The following ACYP2 variants were observed in gnomAD, a reference collection of about 807,000 sequenced individuals.
The protein encoded by ACYP2 is acylphosphatase 2, also known as acylphosphatase-2.
Under a neutral mutation model 11.2 loss-of-function variants are expected in ACYP2, and 12 were observed. That is an observed-to-expected ratio of 1.08 (90% confidence interval 0.69 to 1.74). The LOEUF (loss-of-function observed/expected upper bound fraction) is 1.74. ACYP2 is among the 40% of genes most tolerant of loss of function. ACYP2 has a pLI of 0.00. For missense variants in ACYP2, 134 were observed against 101.9 expected (o/e 1.31, Z -1.35); for synonymous variants, 43 against 32.2 (o/e 1.33, Z -1.13).
chr2:54,115,148 TTG>T (rs1679676795), intron 4 of ACYP2, among the ~76,000 whole-genome samples: 1 of 152,182 alleles, frequency 6.6e-6, no homozygotes, highest in South Asian at 2.1e-4. Flanking sequence ...GATAAATGTA[TTG>T]TGTCCTTAAA....
At chr2:54,137,326 A>G (rs1219265632) in intron 5 of ACYP2, among the ~76,000 whole-genome samples, 1 of 152,164 alleles carries the variant, frequency 6.6e-6, no homozygotes, top group Non-Finnish European at 1.5e-5. Flanking sequence ...TAGGTTTGTT[A>G]TATAGGTAAA....
intron 4 of ACYP2, among the ~76,000 whole-genome samples, chr2:54,133,068 C>T (rs1018282593): frequency 6.6e-6 from 1 of 152,136 alleles, no homozygotes; most frequent in African/African-American, 2.4e-5. Context: ...CAAATGCATA[C>T]AGTCATGTAA....
intron 6 of ACYP2, among the ~76,000 whole-genome samples, chr2:54,234,715 C>G (rs1686396031): frequency 6.6e-6 from 1 of 152,198 alleles, no homozygotes; most frequent in Non-Finnish European, 1.5e-5. Context: ...TGCAGATGGT[C>G]TGCCCACTGT....
chr2:54,026,969 G>A (rs574541819), intron 2 of ACYP2, among the ~76,000 whole-genome samples: 2 of 152,282 alleles, frequency 1.3e-5, no homozygotes, highest in South Asian at 4.1e-4. Flanking sequence ...CACTGCTTAG[G>A]TGATGTGTGC....
chr2:54,269,890 C>A (rs843737), intron 6 of ACYP2, among the ~76,000 whole-genome samples: 2 of 151,944 alleles, frequency 1.3e-5, no homozygotes, highest in Non-Finnish European at 2.9e-5. Context: ...TTTCCAGTTT[C>A]CATAATAATA....
In ACYP2 at chr2:54,168,709, GAGAA is replaced by G. The variant is rs566054498; in HGVS notation, c.404+29965_404+29968del. Among the ~76,000 whole-genome samples, 413 of 152,274 alleles carry G rather than the reference GAGAA, an allele frequency of 2.7e-3. 1 individual carries two copies. Among genetic ancestry groups the G allele is most frequent in the Non-Finnish European group, 4.0e-3 (273 of 68,000 alleles). ...AAAGAAACCCAATGAATTTTAAAAA[GAGAA>G]AGAGCAGTGAAAATGAACATACAGT... On this transcript the variant is annotated intron_variant, in intron 6 of 6. Transcript: ENST00000607452.
chr2:54,253,217 T>C (rs940955032), intron 6 of ACYP2: 2 of 152,324 alleles, frequency 1.3e-5, no homozygotes, highest in Middle Eastern at 3.4e-3. Context: ...ATGAACACAA[T>C]AGTTTCCAGT....
intron 6 of ACYP2, chr2:54,166,913 T>TA (rs1250570846): frequency 6.6e-6 from 1 of 152,158 alleles, no homozygotes; most frequent in South Asian, 2.1e-4. Context: ...AAAGGACTCT[T>TA]AAAATTTATT....
At chr2:54,261,354 G>C (rs376183830) in intron 6 of ACYP2, among the ~76,000 whole-genome samples, 1 of 152,120 alleles carries the variant, frequency 6.6e-6, no homozygotes, top group South Asian at 2.1e-4. Flanking sequence ...GAAATGTTTT[G>C]TCAACTAGAG....
intron 6 of ACYP2, among the ~76,000 whole-genome samples, chr2:54,207,994 C>CA (rs1685154283): frequency 2.0e-5 from 3 of 152,162 alleles, no homozygotes; most frequent in Admixed American, 1.3e-4. Flanking sequence ...TGTTATAACA[C>CA]AGAGTGTTCC....
intron 6 of ACYP2, among the ~76,000 whole-genome samples, chr2:54,290,504 T>C (rs1421097690): frequency 1.3e-5 from 2 of 150,430 alleles, no homozygotes; most frequent in South Asian, 2.1e-4. Context: ...TTTGTAAGCG[T>C]ATGTAAAACA....
At chr2:54,174,703 A>G (rs913947940) in intron 6 of ACYP2, among the ~76,000 whole-genome samples, 10 of 152,310 alleles carry the variant, frequency 6.6e-5, no homozygotes, top group Admixed American at 3.3e-4. Flanking sequence ...TTTTCCATCA[A>G]TACCTAGTTT....
intron 2 of ACYP2, among the ~76,000 whole-genome samples, chr2:54,021,355 G>A (rs1250321323): frequency 2.0e-5 from 3 of 152,170 alleles, no homozygotes; most frequent in Non-Finnish European, 2.9e-5. Flanking sequence ...GAACGAGGAA[G>A]TTAAACTTTA....
rs553572413 is a variant in ACYP2 at position 54,046,204 on chromosome 2, A to G, written c.63-4754A>G. On this transcript the variant is annotated intron_variant, in intron 2 of 6. Transcript: ENST00000607452. ...AAAAAAAAAAAAAAGGTCCAGGCGC[A>G]GTGGCTTACACCTGTAATCCCAGCA... 3.4e-5 allele frequency among the ~76,000 whole-genome samples: 5 copies of G among 147,494 alleles called. No homozygotes were observed. In the East Asian group the frequency reaches 6.1e-4, roughly 18 times the overall value.
chr2:54,101,379 A>G (rs1463816734), intron 4 of ACYP2, among the ~76,000 whole-genome samples: 3 of 152,088 alleles, frequency 2.0e-5, no homozygotes, highest in Non-Finnish European at 4.4e-5. Context: ...ATAACTTAAG[A>G]ACTGCCAGGG....
At chr2:54,097,954 CTCCT>C (rs1678686166) in intron 4 of ACYP2, among the ~76,000 whole-genome samples, 1 of 129,906 alleles carries the variant, frequency 7.7e-6, no homozygotes, top group African/African-American at 2.8e-5. Flanking sequence ...GTTTCTTTCT[CTCCT>C]TCCTTCCTTT....
chr2:54,293,788 C>A (rs1442627610), intron 6 of ACYP2, among the ~76,000 whole-genome samples: 2 of 152,086 alleles, frequency 1.3e-5, no homozygotes, highest in Non-Finnish European at 2.9e-5. Flanking sequence ...TCTAGGATTT[C>A]CTGGATAATC....
intron 6 of ACYP2, among the ~76,000 whole-genome samples, chr2:54,224,741 C>A (rs1379635711): frequency 1.3e-5 from 2 of 152,170 alleles, no homozygotes; most frequent in Non-Finnish European, 1.5e-5. Context: ...CATTTGGCTG[C>A]CTCCTTTCTG....
intron 4 of ACYP2, chr2:54,080,208 G>C (rs1677569482): frequency 6.4e-6 from 1 of 155,606 alleles, no homozygotes; most frequent in African/African-American, 2.4e-5. Context: ...GAACCTAATA[G>C]CCTTATCCGT....
Sources: gnomAD v4.1 joint callset for allele counts (sites outside exome capture counted in the v4.1 genomes callset) on GRCh38, gnomAD v4.1.1 for gene constraint, MANE v1.5 for transcripts, NCBI Gene and HGNC (gene_info 2026-07-23, HGNC 2026-07-21) for gene names.